DUSP12: variants seen among roughly 807,000 people sequenced by gnomAD.
DUSP12 encodes dual specificity phosphatase 12.
A neutral mutation model predicts 38.9 loss-of-function variants in DUSP12; 25 were observed. The ratio of observed to expected loss-of-function variants is 0.64; its 90% CI spans 0.47 to 0.90. The LOEUF (loss-of-function observed/expected upper bound fraction) is 0.90. Among genes scored for constraint, DUSP12 ranks in the 40% least tolerant of loss-of-function variants. The pLI is 0.00. For synonymous variants in DUSP12, 153 were observed against 153.9 expected (o/e 0.99, Z 0.05); for missense variants, 403 against 427.0 (o/e 0.94, Z 0.50).
chr1:161,756,811 A>G lies in DUSP12; in HGVS notation c.887A>G (p.Lys296Arg), dbSNP rs1202404859. The G allele has an allele frequency of 3.1e-6, 5 of 1,612,602 alleles. No homozygotes were observed. Among genetic ancestry groups the G allele is most frequent in the East Asian group, 2.2e-5 (1 of 44,860 alleles). Residue 296 changes from lysine (K) to arginine (R), a missense_variant, in exon 6 of 6, where the codon AAG (lysine) becomes AGG (arginine). Transcript: ENST00000367943. ...CTTCTTTGCCCAAAATGCAGTGCCA[A>G]GTTGGGTTCCTTCAACTGGTATGGT... ...GQLLCPKCSA[K>R]LGSFNWYGEQ...
Position 161,752,431 on chromosome 1 carries a change from AAGATG to A in DUSP12, c.644_648del (p.Asp215GlyfsTer6). On this transcript the variant is annotated frameshift_variant, in exon 4 of 6. Transcript: ENST00000367943. LOFTEE classifies it high-confidence loss of function. ...CCAACTACCGTTTCACAAGGATTGA[AAGATG>A]AGGTTCTCTACAAGTGTAGAAAGTG... The A allele has an allele frequency of 6.2e-7, 1 of 1,612,940 alleles. No homozygotes were observed. Among genetic ancestry groups the A allele is most frequent in the Non-Finnish European group, 8.5e-7 (1 of 1,179,182 alleles).
intron 4 of DUSP12, 141 bp downstream of exon 4, chr1:161,752,605 A>G: frequency 1.7e-6 from 1 of 604,470 alleles, no homozygotes; most frequent in Non-Finnish European, 2.9e-6. Context: ...GAAAGAATAT[A>G]AATTCTTAAA....
rs958867734 is a variant in DUSP12 at position 161,757,081 on chromosome 1, C to T, written c.*134C>T. 7.9e-5 allele frequency: 66 copies of T among 834,212 alleles called. No individual in the cohort carries two copies. Among genetic ancestry groups the T allele is most frequent in the Non-Finnish European group, 1.1e-4 (64 of 557,896 alleles). The allele number at this position is 834,212 out of a possible 1,614,324, so 51.7% of individuals were successfully genotyped here. On this transcript the variant is annotated 3_prime_UTR_variant, in exon 6 of 6. Coordinates refer to ENST00000367943, the MANE Select transcript of DUSP12 (RefSeq NM_007240.3). ...GAGAAGATAAAATCACTTGATGTAA[C>T]CTGGAAACTATGCTTTACATGGCAA... is the stretch of plus-strand genomic sequence containing the variant.
rs573659360 is a variant in DUSP12 at position 161,754,687 on chromosome 1, C to T, written c.861+1426C>T. The stretch of plus-strand genomic sequence containing the variant: ...ATCAGATCTTATGAGTGCTCATTCA[C>T]TATCACGAGAACAGCATGGGGGTAT... On this transcript the variant is annotated intron_variant, in intron 5 of 5. Coordinates refer to ENST00000367943, the MANE Select transcript of DUSP12 (RefSeq NM_007240.3). Among the ~76,000 whole-genome samples the T allele has an allele frequency of 2.0e-5, 3 of 152,304 alleles. No homozygotes were observed. The East Asian group carries it at 5.8e-4, about 29-fold the overall frequency.
At chr1:161,756,695 CTT>C in intron 5 of DUSP12, 89 bp from the exon 6 acceptor site, 2 of 1,448,150 alleles carry the variant, frequency 1.4e-6, no homozygotes, top group South Asian at 2.8e-5. Flanking sequence ...GGGATCGTGT[CTT>C]GTTTTTATAT....
intron 5 of DUSP12, 48 bp from the exon 6 acceptor site, chr1:161,756,733 ATTTGT>A: frequency 3.8e-6 from 6 of 1,582,976 alleles, no homozygotes; most frequent in Non-Finnish European, 2.6e-6. Context: ...AAAGATAATG[ATTTGT>A]TTTGTATAAA....
intron 2 of DUSP12, 28 bp downstream of exon 2, chr1:161,751,809 A>G: frequency 6.2e-7 from 1 of 1,603,116 alleles, no homozygotes; most frequent in Non-Finnish European, 8.5e-7. Context: ...AGTAATAATT[A>G]TGCTTTTGTG....
chr1:161,754,426 C>T (rs528669828), intron 5 of DUSP12, among the ~76,000 whole-genome samples: 4 of 152,188 alleles, frequency 2.6e-5, no homozygotes, highest in African/African-American at 9.6e-5. Flanking sequence ...AAAGTGTATT[C>T]ACAGTGGTTT....
chr1:161,752,274 TAG>T, intron 3 of DUSP12, 92 bp from the exon 4 acceptor site: 1 of 907,314 alleles, frequency 1.1e-6, no homozygotes, highest in Non-Finnish European at 1.7e-6. Flanking sequence ...TTTTTGAGGT[TAG>T]CACTTGTTGC....
At position 161,750,072 on chromosome 1, in the gene DUSP12, C is replaced by T; in HGVS notation, c.271C>T (p.Leu91Phe). Reference sequence around the variant, plus strand: ...GCTGGACAAACCCGAGACGGACCTACTCAGCCATCTGGACCGGTGCGTGGC... The same window carrying T: ...GCTGGACAAACCCGAGACGGACCTATTCAGCCATCTGGACCGGTGCGTGGC... ...PALDKPETDL[L>F]SHLDRCVAFI... Residue 91 changes from leucine to phenylalanine, a missense_variant, in exon 1 of 6, where the codon CTC becomes TTC. Physicochemically the swap from Leu to Phe is conservative, Grantham distance 22. Coordinates refer to ENST00000367943, the MANE Select transcript of DUSP12 (RefSeq NM_007240.3). 6.2e-7 allele frequency: 1 copy of T among 1,614,034 alleles called. No homozygotes were observed. Among genetic ancestry groups the T allele is most frequent in the South Asian group, 1.1e-5 (1 of 91,084 alleles).
intron 5 of DUSP12, among the ~76,000 whole-genome samples, chr1:161,753,964 G>A (rs1161552538): frequency 6.6e-6 from 1 of 151,988 alleles, no homozygotes; most frequent in Non-Finnish European, 1.5e-5. Flanking sequence ...TGTAACCAGT[G>A]GGTAGGGAAA....
chr1:161,754,469 C>G (rs190858280), intron 5 of DUSP12, among the ~76,000 whole-genome samples: 64 of 152,228 alleles, frequency 4.2e-4, no homozygotes, highest in Admixed American at 1.1e-3. Context: ...TATTTTCACA[C>G]TGCCATAAAG....
chr1:161,753,060 GT>G lies in DUSP12; in HGVS notation c.675-12del. ...TTGGAAGTCATTAATGCTTTTGTTT[GT>G]TTGGGGGTTGCAGGCGATCATTATT... On this transcript the variant is annotated splice_polypyrimidine_tract_variant and intron_variant, in intron 4 of 5. Transcript: ENST00000367943. 6.3e-7 allele frequency: 1 copy of G among 1,583,676 alleles called. No individual in the cohort carries two copies. The highest frequency in any genetic ancestry group is 1.1e-5 in the South Asian group (1 of 87,298).
At position 161,749,991 on chromosome 1, in the gene DUSP12, C is replaced by T. The variant is rs1176675595; in HGVS notation, c.190C>T (p.Pro64Ser). The T allele has an allele frequency of 1.9e-6, 3 of 1,613,966 alleles. No individual in the cohort carries two copies. Among genetic ancestry groups the T allele is most frequent in the Admixed American group, 1.7e-5 (1 of 60,010 alleles). Residue 64 changes from proline to serine, a missense_variant, in exon 1 of 6, where the codon CCC becomes TCC. Pro to Ser is a moderately conservative substitution (Grantham distance 74). Transcript: ENST00000367943. ...TAVLTVDSEE[P>S]SFKAGPGVED... Reference sequence around the variant, plus strand: ...CGTGCTAACAGTGGACTCGGAGGAGCCCAGCTTCAAGGCGGGGCCTGGGGT... The same window carrying T: ...CGTGCTAACAGTGGACTCGGAGGAGTCCAGCTTCAAGGCGGGGCCTGGGGT...
At position 161,750,058 on chromosome 1, in the gene DUSP12, C is replaced by A; in HGVS notation, c.257C>A (p.Pro86His). ...WRLFVPALDK[P>H]ETDLLSHLDR... ...CTCTTCGTGCCAGCGCTGGACAAAC[C>A]CGAGACGGACCTACTCAGCCATCTG... The change falls in exon 1 of 6, where the codon CCC becomes CAC. Residue 86 changes from proline to histidine, a missense_variant. Coordinates refer to ENST00000367943, the MANE Select transcript of DUSP12 (RefSeq NM_007240.3). 6.2e-7 allele frequency: 1 copy of A among 1,614,002 alleles called. No individual in the cohort carries two copies. The highest frequency in any genetic ancestry group is 8.5e-7 in the Non-Finnish European group (1 of 1,179,980).
intron 5 of DUSP12, among the ~76,000 whole-genome samples, chr1:161,754,837 TC>T (rs1173877413): frequency 5.9e-5 from 9 of 152,082 alleles, no homozygotes; most frequent in Non-Finnish European, 1.5e-5. Flanking sequence ...CTCTTCCCAT[TC>T]TTTTTTTTTG....
intron 1 of DUSP12, among the ~76,000 whole-genome samples, chr1:161,750,798 G>T (rs1684007428): frequency 6.6e-6 from 1 of 152,106 alleles, no homozygotes; most frequent in African/African-American, 2.4e-5. Flanking sequence ...GGTGGCTCTC[G>T]CCTGTAGTCC....
rs1300516716 is a variant in DUSP12, at chr1:161,752,306, A to G, written c.578-62A>G. ...TGTTGCCTCAATTTGACATTAACTG[A>G]ATTTATCTGAAAATGCAGAGTTGAT... is the stretch of plus-strand genomic sequence containing the variant. On this transcript the variant is annotated intron_variant, in intron 3 of 5. Transcript: ENST00000367943. 4.1e-6 allele frequency: 5 copies of G among 1,230,564 alleles called. No homozygotes were observed. In the Admixed American group the frequency reaches 5.7e-5, roughly 14 times the overall value. 76.2% of individuals were successfully genotyped at this position (1,230,564 alleles called of 1,614,324 possible).
Position 161,749,927 on chromosome 1 carries a change from C to G in DUSP12, c.126C>G (p.Val42=). 1 of 1,613,844 alleles carries G rather than the reference C, an allele frequency of 6.2e-7. No individual in the cohort carries two copies. Among genetic ancestry groups the G allele is most frequent in the Non-Finnish European group, 8.5e-7 (1 of 1,179,860 alleles). Residue 42 remains valine (V), a synonymous_variant, in exon 1 of 6, where the codon GTC becomes GTG. Coordinates refer to ENST00000367943, the MANE Select transcript of DUSP12 (RefSeq NM_007240.3). The part of the protein sequence containing the change: ...PGLYFGGAAA[V]AEPDHLREAG... ...TGTATTTCGGTGGGGCCGCGGCCGT[C>G]GCGGAGCCAGATCACCTGAGGGAAG...
Sources: gnomAD v4.1 joint callset for allele counts (sites outside exome capture counted in the v4.1 genomes callset) on GRCh38, gnomAD v4.1.1 for gene constraint, MANE v1.5 for transcripts, NCBI Gene and HGNC (gene_info 2026-07-23, HGNC 2026-07-21) for gene names.